The following EML5 variants were observed in gnomAD, a reference collection of about 807,000 sequenced individuals.
The protein encoded by EML5 is EMAP like 5, also known as echinoderm microtubule-associated protein-like 5.
EML5 carries 120 observed loss-of-function variants against 250.0 expected under a neutral mutation model. The observed-to-expected ratio is 0.48, with a 90% CI of 0.41 to 0.56. The LOEUF is 0.56. EML5 is among the 20% of genes least tolerant of loss of function. The pLI, the probability that EML5 is intolerant of heterozygous loss-of-function variation, is 0.00. For missense variants in EML5, 2,006 were observed against 2,437.6 expected (o/e 0.82, Z 3.73); for synonymous variants, 771 against 806.5 (o/e 0.96, Z 0.75).
chr14:88,648,071 A>T (rs2091442622), intron 28 of EML5, among the ~76,000 whole-genome samples: 1 of 152,182 alleles, frequency 6.6e-6, no homozygotes, highest in African/African-American at 2.4e-5. Context: ...CTAGTAAAAA[A>T]AGTAATCTTT....
intron 2 of EML5, 80 bp from the exon 3 acceptor site, chr14:88,746,363 A>G: frequency 8.8e-7 from 1 of 1,140,742 alleles, no homozygotes. Context: ...ATAGCAAAGA[A>G]ATTATACTCA....
At chr14:88,657,332 T>C (rs1300136065) in intron 27 of EML5, 44 bp downstream of exon 27, 24 of 1,511,894 alleles carry the variant, frequency 1.6e-5, no homozygotes, top group Non-Finnish European at 2.1e-5. Flanking sequence ...CCATTTTTAA[T>C]GACAATATCT....
rs976009494 is a variant in EML5 at position 88,762,648 on chromosome 14, G to A, written c.198-7977C>T. 2.7e-4 allele frequency among the ~76,000 whole-genome samples: 41 copies of A among 152,040 alleles called. 1 individual carries two copies. The highest frequency in any genetic ancestry group is 8.5e-4 in the African/African-American group (35 of 41,364). On this transcript the variant is annotated intron_variant, in intron 1 of 43. Coordinates refer to ENST00000554922, the MANE Select transcript of EML5 (RefSeq NM_183387.3). The stretch of plus-strand genomic sequence containing the variant: ...ATATTCAGGACTTGAACTCAGCTCT[G>A]GACCAAGCAGACCTAACAGACATTG...
At chr14:88,667,260 T>C (rs1397966399) in intron 21 of EML5, among the ~76,000 whole-genome samples, 2 of 152,234 alleles carry the variant, frequency 1.3e-5, no homozygotes, top group East Asian at 1.9e-4. Flanking sequence ...TATTTGTGTA[T>C]ATTAACTATT....
At position 88,792,468 on chromosome 14, in the gene EML5, C is replaced by A; in HGVS notation, c.36G>T (p.Arg12=). 1.3e-6 allele frequency: 2 copies of A among 1,496,922 alleles called. No individual in the cohort carries two copies. The highest frequency in any genetic ancestry group is 1.8e-6 in the Non-Finnish European group (2 of 1,120,414). 92.7% of individuals were successfully genotyped at this position (1,496,922 alleles called of 1,614,324 possible). A position where few individuals can be genotyped will look rare whatever the true frequency, so the allele number is the denominator to read the frequency against. The stretch of plus-strand genomic sequence containing the variant: ...CCCGGTAGCCGTACACCCACTCGAG[C>A]CGCAGGTGGCAGCTCGGGGCGCTCC... ...AARSAPSCHL[R]LEWVYGYRGH... is the part of the protein sequence containing the mutation. The change falls in exon 1 of 44, where the codon CGG becomes CGT. Residue 12 remains arginine, a synonymous_variant. Coordinates refer to ENST00000554922, the MANE Select transcript of EML5 (RefSeq NM_183387.3). This position sits in a 1 kb window ranked among gnomAD's most constrained non-coding sequence, Gnocchi z 6.9.
intron 1 of EML5, among the ~76,000 whole-genome samples, chr14:88,776,873 C>T (rs1028318051): frequency 6.6e-6 from 1 of 151,926 alleles, no homozygotes; most frequent in Non-Finnish European, 1.5e-5. Context: ...AGAGCAAGAC[C>T]CCGTCTCAAA....
intron 8 of EML5, among the ~76,000 whole-genome samples, chr14:88,719,339 T>G (rs952605473): frequency 2.0e-5 from 3 of 151,752 alleles, no homozygotes; most frequent in Admixed American, 1.3e-4. Flanking sequence ...TGAGCTGTGA[T>G]TGTGCTACTG....
At chr14:88,778,075 T>C (rs2094463912) in intron 1 of EML5, among the ~76,000 whole-genome samples, 1 of 152,188 alleles carries the variant, frequency 6.6e-6, no homozygotes, top group African/African-American at 2.4e-5. Flanking sequence ...GTTATCAGCT[T>C]AAAATAATGG....
At chr14:88,618,379 C>A in intron 40 of EML5, 48 bp from the exon 41 acceptor site, 1 of 1,509,940 alleles carries the variant, frequency 6.6e-7, no homozygotes, top group Non-Finnish European at 9.2e-7. Context: ...AGGTGAGAGA[C>A]AAAATCCACA....
chr14:88,623,427 A>G (rs1187254879), intron 36 of EML5: 2 of 151,430 alleles, frequency 1.3e-5, no homozygotes, highest in Non-Finnish European at 2.9e-5. Flanking sequence ...GAGTTGATTT[A>G]TTTATTTTTT....
At position 88,709,384 on chromosome 14, in the gene EML5, T is replaced by C. The variant is rs2093368311; in HGVS notation, c.1657+2887A>G. Among the ~76,000 whole-genome samples, 4 of 152,096 alleles carry C rather than the reference T, an allele frequency of 2.6e-5. No individual in the cohort carries two copies. The South Asian group carries it at 8.3e-4, about 32-fold the overall frequency. On this transcript the variant is annotated intron_variant, in intron 10 of 43. Coordinates refer to ENST00000554922, the MANE Select transcript of EML5 (RefSeq NM_183387.3). ...AAAGCATTTGTATTATTAGAGTATA[T>C]AAAGTAATTCTTAAAGATCAATAAA...
chr14:88,659,084 T>C (rs1277964657), intron 25 of EML5, among the ~76,000 whole-genome samples: 1 of 152,202 alleles, frequency 6.6e-6, no homozygotes, highest in Non-Finnish European at 1.5e-5. Context: ...GTTATTGTTA[T>C]TATGGTATTA....
At position 88,613,390 on chromosome 14, in the gene EML5, C is replaced by CTA. The variant is rs1449316843; in HGVS notation, c.*2426_*2427dup. On this transcript the variant is annotated 3_prime_UTR_variant, in exon 44 of 44. Transcript: ENST00000554922. ...TTTAAATATCTGGAAATACTTTTAGCTATCATTTATAAAGATAGTTTTGTT... is the reference window on the plus strand; with the variant it reads ...TTTAAATATCTGGAAATACTTTTAGCTATATCATTTATAAAGATAGTTTTGTT... 1 of 151,924 alleles carries CTA rather than the reference C, an allele frequency of 6.6e-6. No individual in the cohort carries two copies. The highest frequency in any genetic ancestry group is 1.5e-5 in the Non-Finnish European group (1 of 68,018). 9.4% of individuals were successfully genotyped at this position (151,924 alleles called of 1,614,324 possible). A position where few individuals can be genotyped will look rare whatever the true frequency, so the allele number is the denominator to read the frequency against.
chr14:88,766,286 C>G (rs7161635), intron 1 of EML5, among the ~76,000 whole-genome samples: 1 of 151,988 alleles, frequency 6.6e-6, no homozygotes, highest in Non-Finnish European at 1.5e-5. Flanking sequence ...GAGAGCTGGG[C>G]GGAACAGAGC....
chr14:88,772,325 G>A (rs2094401435), intron 1 of EML5, among the ~76,000 whole-genome samples: 1 of 152,142 alleles, frequency 6.6e-6, no homozygotes, highest in Non-Finnish European at 1.5e-5. Flanking sequence ...TCCCTTTAGA[G>A]CTTTCTCAAC....
At chr14:88,671,243 G>T (rs2092454416) in intron 21 of EML5, among the ~76,000 whole-genome samples, 1 of 152,184 alleles carries the variant, frequency 6.6e-6, no homozygotes, top group East Asian at 1.9e-4. Context: ...GGAGACACTA[G>T]GGGCCAATAT....
intron 1 of EML5, among the ~76,000 whole-genome samples, chr14:88,770,194 A>G (rs1247364153): frequency 6.6e-6 from 1 of 152,152 alleles, no homozygotes; most frequent in African/African-American, 2.4e-5. Context: ...TTGCACAGAA[A>G]GTCTGGAGAA....
At chr14:88,729,140 C>CTG (rs770143005) in intron 7 of EML5, among the ~76,000 whole-genome samples, 2 of 151,544 alleles carry the variant, frequency 1.3e-5, no homozygotes. Context: ...CCTTTCCAAT[C>CTG]TGTGTGTGTG....
chr14:88,775,198 C>T (rs1409006167), intron 1 of EML5, among the ~76,000 whole-genome samples: 2 of 152,214 alleles, frequency 1.3e-5, no homozygotes, highest in Admixed American at 1.3e-4. Context: ...ACTGTGGTGG[C>T]CATGGGGCGA....
Sources: allele counts gnomAD v4.1 joint callset (sites outside exome capture counted in the v4.1 genomes callset), GRCh38; gene constraint gnomAD v4.1.1; non-coding constraint Gnocchi (gnomAD v3.1); transcripts MANE v1.5; gene names NCBI Gene and HGNC (gene_info 2026-07-23, HGNC 2026-07-21).